TYR: variants seen among roughly 807,000 people sequenced by gnomAD.
TYR encodes tyrosinase.
In TYR, 58 loss-of-function variants were observed where a neutral mutation model predicts 51.5. That is an observed-to-expected ratio of 1.13 (90% CI 0.91 to 1.40). The LOEUF (loss-of-function observed/expected upper bound fraction) is 1.40, where lower values mean the gene tolerates loss of function less well. Ranked by LOEUF, TYR falls within the 40% of genes most tolerant of loss-of-function variation. The pLI, the probability that TYR is intolerant of heterozygous loss-of-function variation, is 0.00. For missense variants in TYR, 732 were observed against 647.4 expected, an observed-to-expected ratio of 1.13 and a Z score of -1.42; for synonymous variants, 263 against 235.2, an observed-to-expected ratio of 1.12 and a Z score of -1.08.
Position 89,284,945 on chromosome 11 carries a change from C to A in TYR, c.1357C>A (p.Gln453Lys), listed in dbSNP as rs62645924. 19 of 1,610,988 alleles carry A rather than the reference C, an allele frequency of 1.2e-5. No homozygotes were observed. Among genetic ancestry groups the A allele is most frequent in the Non-Finnish European group, 1.5e-5 (18 of 1,177,922 alleles). Residue 453 changes from glutamine (Q) to lysine (K), a missense_variant, in exon 4 of 5, where the codon CAA (glutamine) becomes AAA (lysine). By Grantham distance (53) the Gln-to-Lys change is moderately conservative (BLOSUM62 1). Coordinates refer to ENST00000263321, the MANE Select transcript of TYR (RefSeq NM_000372.5). ...TCTGGGCTATGACTATAGCTATCTACAAGATTCAGGTAAAGTTTACTTTCT... is the reference window on the plus strand; with the variant it reads ...TCTGGGCTATGACTATAGCTATCTAAAAGATTCAGGTAAAGTTTACTTTCT... ...KDLGYDYSYL[Q>K]DSDPDSFQDY...
intron 3 of TYR, among the ~76,000 whole-genome samples, chr11:89,254,909 G>T (rs11018556): frequency 6.6e-6 from 1 of 151,626 alleles, no homozygotes; most frequent in Non-Finnish European, 1.5e-5. Context: ...TGTGACCTTA[G>T]ATTGTCTATT....
chr11:89,229,414 T>C (rs551593370), intron 3 of TYR, among the ~76,000 whole-genome samples: 1 of 152,080 alleles, frequency 6.6e-6, no homozygotes, highest in African/African-American at 2.4e-5. Flanking sequence ...TTTTAAAGAA[T>C]CATTTTTATA....
chr11:89,193,375 TC>T (rs149824036), intron 2 of TYR, among the ~76,000 whole-genome samples: 2,908 of 152,174 alleles, frequency 0.019, 89 homozygotes, highest in African/African-American at 0.067. Context: ...CCAGTGGTTT[TC>T]AAGTGAGAGT....
intron 2 of TYR, among the ~76,000 whole-genome samples, chr11:89,216,052 TTTTC>T (rs1943828523): frequency 6.6e-6 from 1 of 152,226 alleles, no homozygotes; most frequent in Admixed American, 6.5e-5. Flanking sequence ...CCATATTTAT[TTTTC>T]TTTTTCATCC....
chr11:89,230,451 T>C (rs7935604), intron 3 of TYR, among the ~76,000 whole-genome samples: 25,474 of 151,988 alleles, frequency 0.17, 2,650 homozygotes, highest in African/African-American at 0.29. Context: ...ATGGTAAAAG[T>C]TCCAAGACTT....
In TYR at chr11:89,232,837, C is replaced by A. The variant is rs1041136927; in HGVS notation, c.1184+4867C>A. Among the ~76,000 whole-genome samples, 2 of 143,662 alleles carry A rather than the reference C, an allele frequency of 1.4e-5. 1 individual carries two copies. The highest frequency in any genetic ancestry group is 5.5e-5 in the African/African-American group (2 of 36,438). 94.2% of individuals were successfully genotyped at this position (143,662 alleles called of 152,430 possible). A position where few individuals can be genotyped will look rare whatever the true frequency, so the allele number is the denominator to read the frequency against. On this transcript the variant is annotated intron_variant, in intron 3 of 4. Coordinates refer to ENST00000263321, the MANE Select transcript of TYR (RefSeq NM_000372.5). ...AAAAATACTTTACTGCTAGAAAATG[C>A]TAACAATCGTCTGAGCCTTCATCAA...
intron 3 of TYR, among the ~76,000 whole-genome samples, chr11:89,251,979 T>G (rs553042740): frequency 2.0e-5 from 3 of 151,968 alleles, no homozygotes; most frequent in African/African-American, 7.2e-5. Flanking sequence ...ACTCTTAAGT[T>G]GCGTCGCCTT....
chr11:89,209,782 T>C (rs1301711476), intron 2 of TYR, among the ~76,000 whole-genome samples: 2 of 151,960 alleles, frequency 1.3e-5, no homozygotes, highest in African/African-American at 4.8e-5. Flanking sequence ...GGCAGCAATA[T>C]TTGCTGTTCT....
intron 3 of TYR, among the ~76,000 whole-genome samples, chr11:89,239,914 T>A (rs1944169885): frequency 6.6e-6 from 1 of 152,248 alleles, no homozygotes; most frequent in Non-Finnish European, 1.5e-5. Context: ...CTTGATTATT[T>A]CAGTCTTCTT....
intron 2 of TYR, among the ~76,000 whole-genome samples, chr11:89,196,024 T>G (rs1396400826): frequency 6.6e-6 from 1 of 152,148 alleles, no homozygotes. Flanking sequence ...TGTGTGACCT[T>G]GGGTATGTTA....
chr11:89,248,186 T>C (rs147337093), intron 3 of TYR, among the ~76,000 whole-genome samples: 24 of 152,338 alleles, frequency 1.6e-4, no homozygotes, highest in Non-Finnish European at 3.2e-4. Flanking sequence ...AATATATATG[T>C]AACAATGTTC....
chr11:89,221,668 G>A (rs1943913040), intron 2 of TYR, among the ~76,000 whole-genome samples: 1 of 152,158 alleles, frequency 6.6e-6, no homozygotes, highest in South Asian at 2.1e-4. Flanking sequence ...TTGCACATTA[G>A]GAGAGTAAAT....
At position 89,178,338 on chromosome 11, in the gene TYR, C is replaced by T; in HGVS notation, c.385C>T (p.Pro129Ser). Residue 129 changes from proline (P) to serine (S), a missense_variant, in exon 1 of 5, where the codon CCA becomes TCA. Physicochemically the swap from Pro to Ser is moderately conservative, Grantham distance 74. Transcript: ENST00000263321. ...VRRNIFDLSA[P>S]EKDKFFAYLT... ...AAGAAACATCTTCGATTTGAGTGCC[C>T]CAGAGAAGGACAAATTTTTTGCCTA... 6.2e-7 allele frequency: 1 copy of T among 1,614,086 alleles called. No homozygotes were observed. The highest frequency in any genetic ancestry group is 8.5e-7 in the Non-Finnish European group (1 of 1,180,036).
intron 2 of TYR, among the ~76,000 whole-genome samples, chr11:89,195,669 CATAAATAA>C (rs71840089): frequency 6.6e-6 from 1 of 151,258 alleles, no homozygotes; most frequent in Non-Finnish European, 1.5e-5. Context: ...AGACTCTTCC[CATAAATAA>C]ATAAATAAAT....
chr11:89,265,541 C>A (rs1458744893), intron 3 of TYR, among the ~76,000 whole-genome samples: 3 of 152,008 alleles, frequency 2.0e-5, no homozygotes, highest in African/African-American at 4.8e-5. Flanking sequence ...ATAGAAATTT[C>A]AAAATGTTCA....
At chr11:89,278,540 C>T (rs555682876) in intron 3 of TYR, among the ~76,000 whole-genome samples, 26 of 151,560 alleles carry the variant, frequency 1.7e-4, no homozygotes, top group African/African-American at 2.9e-4. Context: ...TGTGTTACAA[C>T]GAATCAGTTC....
chr11:89,203,670 C>T (rs886732000), intron 2 of TYR, among the ~76,000 whole-genome samples: 1 of 152,032 alleles, frequency 6.6e-6, no homozygotes, highest in Non-Finnish European at 1.5e-5. Flanking sequence ...GATGGTGAGT[C>T]CCCTGGGTTT....
intron 3 of TYR, among the ~76,000 whole-genome samples, chr11:89,241,239 A>G (rs889750408): frequency 2.0e-5 from 3 of 152,152 alleles, no homozygotes; most frequent in African/African-American, 7.2e-5. Context: ...AATTTTTCAT[A>G]TGTTACTTCT....
intron 1 of TYR, 150 bp from the exon 2 acceptor site, chr11:89,191,052 A>G: frequency 1.4e-6 from 1 of 712,380 alleles, no homozygotes; most frequent in African/African-American, 1.8e-5. Flanking sequence ...TGGATTTCTC[A>G]GAACATATCC....
Sources: gnomAD v4.1 joint callset for allele counts (sites outside exome capture counted in the v4.1 genomes callset) on GRCh38, gnomAD v4.1.1 for gene constraint, MANE v1.5 for transcripts, NCBI Gene and HGNC (gene_info 2026-07-23, HGNC 2026-07-21) for gene names.